The following PLB1 variants were observed in gnomAD, a reference collection of about 807,000 sequenced individuals.
PLB1 encodes the protein phospholipase B1, membrane-associated.
Under a neutral mutation model 227.4 loss-of-function variants are expected in PLB1, and 242 were observed. The observed-to-expected ratio is 1.06, with a 90% CI of 0.96 to 1.18. The LOEUF (loss-of-function observed/expected upper bound fraction) is 1.18, where lower values mean the gene tolerates loss of function less well. Among genes scored for constraint, PLB1 ranks in the 50% most tolerant of loss-of-function variants. The pLI is 0.00. For missense variants in PLB1, 1,858 were observed against 1,816.3 expected, an observed-to-expected ratio of 1.02 and a Z score of -0.42; for synonymous variants, 757 against 682.2, an observed-to-expected ratio of 1.11 and a Z score of -1.71.
At chr2:28,563,197 C>T in intron 18 of PLB1, 98 bp downstream of exon 18, 1 of 1,200,094 alleles carries the variant, frequency 8.3e-7, no homozygotes, top group Non-Finnish European at 1.2e-6. Context: ...TCACGCCTGG[C>T]TCTTAGATGC....
At position 28,581,170 on chromosome 2, in the gene PLB1, T is replaced by C. The variant is rs1014435270; in HGVS notation, c.1567-898T>C. On this transcript the variant is annotated intron_variant, in intron 23 of 57. Coordinates refer to ENST00000327757, the MANE Select transcript of PLB1 (RefSeq NM_153021.5). ...TGAGAAAGCTTTAAAACCGCAAATA[T>C]CGAGATCAGGAGAAACAGTTAAAAT... Among the ~76,000 whole-genome samples the C allele has an allele frequency of 1.3e-5, 2 of 152,138 alleles. 1 individual carries two copies. The highest frequency in any genetic ancestry group is 2.9e-5 in the Non-Finnish European group (2 of 68,026).
chr2:28,592,884 C>G lies in PLB1; in HGVS notation c.2247+165C>G, dbSNP rs868420539. On this transcript the variant is annotated intron_variant, in intron 32 of 57. Coordinates refer to ENST00000327757, the MANE Select transcript of PLB1 (RefSeq NM_153021.5). ...CAGTTATTTGATTTGCGGCCACTTT[C>G]TCAAACGGATATGCAGAGGAAATCT... 4.3e-5 allele frequency: 27 copies of G among 623,708 alleles called. No individual in the cohort carries two copies. In the Middle Eastern group the frequency reaches 3.1e-3, roughly 71 times the overall value. 38.6% of individuals were successfully genotyped at this position (623,708 alleles called of 1,614,324 possible).
chr2:28,539,687 GAA>G (rs1433517570), intron 11 of PLB1, among the ~76,000 whole-genome samples: 1 of 152,090 alleles, frequency 6.6e-6, no homozygotes, highest in Non-Finnish European at 1.5e-5. Flanking sequence ...GGGCGGTGGA[GAA>G]AAGAGAGTGC....
chr2:28,546,107 C>G (rs1218052882), intron 14 of PLB1, among the ~76,000 whole-genome samples: 1 of 152,218 alleles, frequency 6.6e-6, no homozygotes, highest in Non-Finnish European at 1.5e-5. Context: ...TCTAAACATG[C>G]CTGGAACTGT....
intron 56 of PLB1, among the ~76,000 whole-genome samples, chr2:28,634,516 T>C (rs189811829): frequency 6.6e-6 from 1 of 152,246 alleles, no homozygotes; most frequent in African/African-American, 2.4e-5. Flanking sequence ...CAAGTCTGCT[T>C]AAATCTGGGA....
chr2:28,528,842 A>G (rs924663142), intron 6 of PLB1, among the ~76,000 whole-genome samples: 1 of 151,870 alleles, frequency 6.6e-6, no homozygotes, highest in Non-Finnish European at 1.5e-5. Context: ...CAGAGGCTAC[A>G]GGGGTGGCCT....
intron 14 of PLB1, among the ~76,000 whole-genome samples, chr2:28,547,088 C>G (rs960282150): frequency 2.0e-5 from 3 of 151,710 alleles, no homozygotes; most frequent in African/African-American, 7.3e-5. Context: ...ATAGTCCCAG[C>G]TACTCGGGAA....
At position 28,573,094 on chromosome 2, in the gene PLB1, C is replaced by T. The variant is rs564780368; in HGVS notation, c.1325-103C>T. The T allele has an allele frequency of 4.9e-5, 41 of 843,098 alleles. No individual in the cohort carries two copies. In the African/African-American group the frequency reaches 6.0e-4, roughly 12 times the overall value. 52.2% of individuals were successfully genotyped at this position (843,098 alleles called of 1,614,324 possible). ...AAGGTTGGGGTAAGAGTAGGGGCTGCGGAGTGGGGACTCTGTTCCCTAACA... is the reference window on the plus strand; with the variant it reads ...AAGGTTGGGGTAAGAGTAGGGGCTGTGGAGTGGGGACTCTGTTCCCTAACA... On this transcript the variant is annotated intron_variant, in intron 20 of 57. Transcript: ENST00000327757.
chr2:28,530,353 T>G (rs1670855026), intron 8 of PLB1, among the ~76,000 whole-genome samples: 2 of 152,210 alleles, frequency 1.3e-5, no homozygotes, highest in South Asian at 4.1e-4. Context: ...TAAACCTCAG[T>G]TTTTCTGTTT....
Position 28,565,268 on chromosome 2 carries a change from G to A in PLB1, c.1207-12G>A, listed in dbSNP as rs960612606. 2 of 1,608,696 alleles carry A rather than the reference G, an allele frequency of 1.2e-6. No individual in the cohort carries two copies. The highest frequency in any genetic ancestry group is 1.7e-6 in the Non-Finnish European group (2 of 1,177,584). Reference sequence around the variant, plus strand: ...AAGCAGAGAAACTCACCCCCTCATTGTTCCCTCTCAGGCAGGCAATGGGGC... The same window carrying A: ...AAGCAGAGAAACTCACCCCCTCATTATTCCCTCTCAGGCAGGCAATGGGGC... On this transcript the variant is annotated splice_polypyrimidine_tract_variant and intron_variant, in intron 18 of 57. Transcript: ENST00000327757.
chr2:28,504,410 C>T (rs928386789), intron 1 of PLB1, among the ~76,000 whole-genome samples: 3 of 152,046 alleles, frequency 2.0e-5, no homozygotes, highest in Non-Finnish European at 4.4e-5. Context: ...ACTTTGGATT[C>T]CCATAAAAAC....
In PLB1 at chr2:28,540,393, A is replaced by G; in HGVS notation, c.726A>G (p.Ser242=). Residue 242 remains serine, a synonymous_variant, in exon 12 of 58, where the codon TCA becomes TCG. Transcript: ENST00000327757. ...CTGCACCAGAGCCCTGTAATTGCTC[A>G]GAGGAGACCACCCGGCTGGCCAAGG... ...LSPAPEPCNC[S]EETTRLAKVV... is the part of the protein sequence containing the mutation. The G allele has an allele frequency of 6.2e-7, 1 of 1,614,062 alleles. No homozygotes were observed. The highest frequency in any genetic ancestry group is 8.5e-7 in the Non-Finnish European group (1 of 1,180,008).
At chr2:28,620,232 C>A in intron 46 of PLB1, 33 bp from the exon 47 acceptor site, 2 of 1,536,188 alleles carry the variant, frequency 1.3e-6, no homozygotes, top group Admixed American at 1.8e-5. Flanking sequence ...CAGCCTATAC[C>A]CCAGCCCTGA....
At chr2:28,624,969 AAC>A (rs1644754118) in intron 49 of PLB1, 86 bp from the exon 50 acceptor site, 1 of 1,230,248 alleles carries the variant, frequency 8.1e-7, no homozygotes, top group African/African-American at 1.5e-5. Flanking sequence ...TTCTTCTTGA[AAC>A]ACCTCTCTTC....
At chr2:28,519,491 G>T (rs1669233145) in intron 3 of PLB1, among the ~76,000 whole-genome samples, 1 of 152,190 alleles carries the variant, frequency 6.6e-6, no homozygotes, top group Non-Finnish European at 1.5e-5. Context: ...TAACAGTGTG[G>T]CTCCCAGAGG....
intron 17 of PLB1, among the ~76,000 whole-genome samples, chr2:28,558,028 C>A (rs1211339218): frequency 1.3e-5 from 2 of 152,106 alleles, no homozygotes; most frequent in Non-Finnish European, 2.9e-5. Context: ...GAGAACCACC[C>A]CCACCATAAT....
intron 56 of PLB1, among the ~76,000 whole-genome samples, chr2:28,640,168 T>G (rs577541498): frequency 1.3e-5 from 2 of 152,296 alleles, no homozygotes; most frequent in South Asian, 4.1e-4. Context: ...GCAGGCAGAT[T>G]ACACAAAGAG....
intron 24 of PLB1, 33 bp downstream of exon 24, chr2:28,582,166 A>G: frequency 6.3e-7 from 1 of 1,594,754 alleles, no homozygotes; most frequent in East Asian, 2.2e-5. Context: ...CCTGCATCTT[A>G]GACCTCAGAC....
At chr2:28,520,824 A>T (rs975180646) in intron 4 of PLB1, among the ~76,000 whole-genome samples, 2 of 152,072 alleles carry the variant, frequency 1.3e-5, no homozygotes, top group Non-Finnish European at 2.9e-5. Context: ...AATAGAAAAA[A>T]ATTAGCCGGG....
Sources: gnomAD v4.1 joint callset for allele counts (sites outside exome capture counted in the v4.1 genomes callset) on GRCh38, gnomAD v4.1.1 for gene constraint, MANE v1.5 for transcripts, NCBI Gene and HGNC (gene_info 2026-07-23, HGNC 2026-07-21) for gene names.